Variants in CCDC144A observed in about 807,000 individuals in gnomAD.
The protein encoded by CCDC144A is coiled-coil domain containing 144A, also known as coiled-coil domain-containing protein 144A.
Under a neutral mutation model 143.8 loss-of-function variants are expected in CCDC144A, and 41 were observed. That is an observed-to-expected ratio of 0.29 (90% CI 0.22 to 0.37). CCDC144A has a LOEUF of 0.37. Ranked by LOEUF, CCDC144A falls within the 10% of genes least tolerant of loss-of-function variation. The probability of loss-of-function intolerance (pLI) is 1.00; values close to 1 mark genes in which losing one functional copy is unlikely to be tolerated. For missense variants in CCDC144A, 637 were observed against 1,488.8 expected (o/e 0.43, Z 9.41); for synonymous variants, 242 against 517.9 (o/e 0.47, Z 7.23).
intron 1 of CCDC144A, among the ~76,000 whole-genome samples, chr17:16,692,750 G>C (rs1911164671): frequency 6.6e-6 from 1 of 151,506 alleles, no homozygotes; most frequent in Non-Finnish European, 1.5e-5. Context: ...AAGCTAATGT[G>C]AGTTAATTTA....
the CCDC144A span, among the ~76,000 whole-genome samples, chr17:16,682,883 G>GTTTTTTTTTT: frequency 2.7e-3 from 127 of 46,446 alleles, 45 homozygotes; most frequent in Non-Finnish European, 4.9e-3. Context: ...TGGATTCTCT[G>GTTTTTTTTTT]TTTTTTTTTT....
the CCDC144A span, among the ~76,000 whole-genome samples, chr17:16,669,462 G>A: frequency 6.6e-6 from 1 of 152,206 alleles, no homozygotes. Flanking sequence ...GCAAGTCTGA[G>A]CATTAGCTTT....
At chr17:16,667,544 A>C in the CCDC144A span, among the ~76,000 whole-genome samples, 1 of 152,268 alleles carries the variant, frequency 6.6e-6, no homozygotes, top group East Asian at 1.9e-4. Context: ...ACCGCACGTC[A>C]CGTGGCAGAA....
intron 8 of CCDC144A, among the ~76,000 whole-genome samples, chr17:16,721,266 C>T (rs1215837609): frequency 5.9e-5 from 9 of 151,982 alleles, no homozygotes; most frequent in Non-Finnish European, 1.0e-4. Flanking sequence ...TTGAAACCAC[C>T]ATAATCAGGA....
At chr17:16,667,503 G>A in the CCDC144A span, among the ~76,000 whole-genome samples, 1 of 152,174 alleles carries the variant, frequency 6.6e-6, no homozygotes, top group Non-Finnish European at 1.5e-5. Flanking sequence ...CTGAAGGGCG[G>A]GCAGCGTGCC....
In CCDC144A at chr17:16,734,806, G is replaced by A; in HGVS notation, c.2535G>A (p.Lys845=). ...IDTIKNQNKQ[K]EKKYFEDIEA... is the part of the protein sequence containing the mutation. ...CAATAAAAAATCAGAACAAGCAAAA[G>A]GAAAAGAAATATTTTGAGGACATTG... Residue 845 remains lysine, a synonymous_variant, in exon 12 of 17, where the codon AAG becomes AAA. Transcript: ENST00000399273. 6.5e-7 allele frequency: 1 copy of A among 1,547,724 alleles called. No homozygotes were observed. The highest frequency in any genetic ancestry group is 1.4e-5 in the African/African-American group (1 of 72,034).
intron 2 of CCDC144A, among the ~76,000 whole-genome samples, chr17:16,694,411 T>C (rs897766902): frequency 5.9e-5 from 9 of 152,162 alleles, no homozygotes; most frequent in African/African-American, 2.2e-4. Flanking sequence ...TGAGACCACA[T>C]CTCTACAAAA....
At chr17:16,702,349 G>A (rs888907193) in intron 2 of CCDC144A, among the ~76,000 whole-genome samples, 2 of 152,184 alleles carry the variant, frequency 1.3e-5, no homozygotes, top group Non-Finnish European at 2.9e-5. Context: ...CTGTCCATAG[G>A]AGGTAAAATG....
chr17:16,710,900 A>C (rs868693954), intron 5 of CCDC144A, among the ~76,000 whole-genome samples: 2 of 150,536 alleles, frequency 1.3e-5, no homozygotes. Context: ...CTTTGGATCA[A>C]TCATTTTAAT....
chr17:16,724,366 T>A (rs1333701987), intron 8 of CCDC144A, among the ~76,000 whole-genome samples: 1 of 152,098 alleles, frequency 6.6e-6, no homozygotes, highest in Admixed American at 6.5e-5. Context: ...TGAAACTCTG[T>A]CTCTACTAAA....
intron 12 of CCDC144A, among the ~76,000 whole-genome samples, chr17:16,757,358 G>A (rs1291061714): frequency 1.3e-5 from 2 of 152,230 alleles, no homozygotes; most frequent in Middle Eastern, 3.2e-3. Context: ...CTGAAGACAC[G>A]TGCAGGAGCC....
At chr17:16,714,278 C>T (rs1469374072) in intron 6 of CCDC144A, among the ~76,000 whole-genome samples, 1 of 152,182 alleles carries the variant, frequency 6.6e-6, no homozygotes, top group African/African-American at 2.4e-5. Context: ...GTGTCTCCAG[C>T]CTAGATCTCT....
chr17:16,703,580 G>A (rs552779540), intron 2 of CCDC144A, among the ~76,000 whole-genome samples: 10 of 152,270 alleles, frequency 6.6e-5, no homozygotes, highest in Non-Finnish European at 8.8e-5. Context: ...CAAGGCGGGC[G>A]GATTACGAGG....
chr17:16,744,566 G>A (rs1343052442), intron 12 of CCDC144A, among the ~76,000 whole-genome samples: 1 of 151,884 alleles, frequency 6.6e-6, no homozygotes, highest in Non-Finnish European at 1.5e-5. Flanking sequence ...TTAAATTCTT[G>A]TTTGTTGATT....
At chr17:16,753,677 GT>G (rs1237407476) in intron 12 of CCDC144A, among the ~76,000 whole-genome samples, 8 of 152,116 alleles carry the variant, frequency 5.3e-5, no homozygotes, top group African/African-American at 1.9e-4. Flanking sequence ...TTGGTGGCGT[GT>G]TTATGGTTTT....
chr17:16,707,946 A>G (rs1175277176), intron 4 of CCDC144A, among the ~76,000 whole-genome samples: 1 of 152,114 alleles, frequency 6.6e-6, no homozygotes, highest in Non-Finnish European at 1.5e-5. Context: ...CAAATTTTGC[A>G]GTTTTATATT....
chr17:16,747,543 C>A (rs1479336375), intron 12 of CCDC144A, among the ~76,000 whole-genome samples: 1 of 151,980 alleles, frequency 6.6e-6, no homozygotes, highest in Non-Finnish European at 1.5e-5. Context: ...TTTTCCAATT[C>A]ATGAGCATGG....
chr17:16,772,063 T>G, intron 16 of CCDC144A, 44 bp downstream of exon 16: 2 of 1,418,000 alleles, frequency 1.4e-6, no homozygotes, highest in Non-Finnish European at 1.9e-6. Context: ...TTAAGTAATA[T>G]ATATCTGAAA....
At chr17:16,672,227 A>G in the CCDC144A span, among the ~76,000 whole-genome samples, 2 of 152,256 alleles carry the variant, frequency 1.3e-5, no homozygotes, top group Admixed American at 1.3e-4. Flanking sequence ...GATGTGTGAC[A>G]TCAATTGCAC....
Sources: gnomAD v4.1 joint callset for allele counts (sites outside exome capture counted in the v4.1 genomes callset) on GRCh38, gnomAD v4.1.1 for gene constraint, MANE v1.5 for transcripts, NCBI Gene and HGNC (gene_info 2026-07-23, HGNC 2026-07-21) for gene names.